The following NICOL1 variants were observed in gnomAD, a reference collection of about 807,000 sequenced individuals.
The protein encoded by NICOL1 is NELL2-interacting cell ontogeny regulator 1.
At chr4:2,039,523 A>G in the NICOL1 span, among the ~76,000 whole-genome samples, 1 of 152,200 alleles carries the variant, frequency 6.6e-6, no homozygotes, top group Non-Finnish European at 1.5e-5. Context: ...ATTGCTTGCT[A>G]GAAATTAAAA....
the NICOL1 span, chr4:2,042,198 C>T: frequency 4.3e-6 from 2 of 466,230 alleles, no homozygotes; most frequent in South Asian, 2.5e-5. Flanking sequence ...CTCCCGGGCC[C>T]GGGGTGGGTG....
At chr4:2,042,116 G>A in the NICOL1 span, 7 of 1,483,916 alleles carry the variant, frequency 4.7e-6, no homozygotes, top group African/African-American at 2.9e-5. Context: ...CTAGATACGG[G>A]GCGCGGACTA....
the NICOL1 span, among the ~76,000 whole-genome samples, chr4:2,036,761 TG>T: frequency 6.6e-6 from 1 of 152,074 alleles, no homozygotes; most frequent in Non-Finnish European, 1.5e-5. Flanking sequence ...TGGGGCTGTT[TG>T]GCTGGTTGAT....
chr4:2,041,748 C>G, the NICOL1 span: 1 of 453,672 alleles, frequency 2.2e-6, no homozygotes, highest in Non-Finnish European at 3.8e-6. Context: ...TTCCCACTTC[C>G]TCAGCTTTTC....
the NICOL1 span, chr4:2,043,778 A>G: frequency 1.7e-6 from 2 of 1,164,896 alleles, no homozygotes; most frequent in South Asian, 1.4e-5. Context: ...CGGTGGAGAT[A>G]GGGCTGCCTT....
the NICOL1 span, among the ~76,000 whole-genome samples, chr4:2,038,424 A>G: frequency 6.6e-6 from 1 of 151,532 alleles, no homozygotes; most frequent in Non-Finnish European, 1.5e-5. Flanking sequence ...ACTAGATGGG[A>G]TTACAGGCAT....
the NICOL1 span, chr4:2,042,286 G>A: frequency 1.2e-6 from 1 of 836,840 alleles, no homozygotes; most frequent in Non-Finnish European, 1.7e-6. Flanking sequence ...ACCGGCCCGG[G>A]GCGGGCGGGG....
At chr4:2,043,199 G>C in the NICOL1 span, among the ~76,000 whole-genome samples, 1 of 152,158 alleles carries the variant, frequency 6.6e-6, no homozygotes, top group Admixed American at 6.5e-5. Flanking sequence ...GAGAAACTGA[G>C]GCCGGAGGAT....
At chr4:2,042,836 C>T in the NICOL1 span, 2 of 1,473,426 alleles carry the variant, frequency 1.4e-6, no homozygotes, top group Non-Finnish European at 1.8e-6. Context: ...TGAGCGCCCG[C>T]GGCGCGACGG....
the NICOL1 span, chr4:2,042,831 GC>G: frequency 6.8e-7 from 1 of 1,478,070 alleles, no homozygotes; most frequent in Non-Finnish European, 8.9e-7. Flanking sequence ...GCGGGTGAGC[GC>G]CCGCGGCGCG....
At chr4:2,043,866 G>T in the NICOL1 span, 18 of 1,549,608 alleles carry the variant, frequency 1.2e-5, no homozygotes, top group Admixed American at 2.0e-5. Flanking sequence ...TGCAGACGGA[G>T]ACCCTACTGC....
chr4:2,041,163 G>T, the NICOL1 span, among the ~76,000 whole-genome samples: 3 of 149,168 alleles, frequency 2.0e-5, no homozygotes, highest in Non-Finnish European at 4.5e-5. Flanking sequence ...GGGGGGAGCG[G>T]GGGCGCCAGC....
chr4:2,043,791 G>T, the NICOL1 span: 3 of 1,368,066 alleles, frequency 2.2e-6, no homozygotes, highest in Non-Finnish European at 3.0e-6. Flanking sequence ...GCTGCCTTGG[G>T]TGGGTGGAGG....
At chr4:2,042,764 C>T in the NICOL1 span, 1 of 1,518,526 alleles carries the variant, frequency 6.6e-7, no homozygotes, top group Non-Finnish European at 8.8e-7. Context: ...GCCACGCCTT[C>T]GAGTTCATGC....
At chr4:2,043,812 T>C in the NICOL1 span, 2 of 1,502,352 alleles carry the variant, frequency 1.3e-6, no homozygotes, top group Non-Finnish European at 1.8e-6. Flanking sequence ...CCCAGGGGAA[T>C]GCCAGTGGGC....
the NICOL1 span, among the ~76,000 whole-genome samples, chr4:2,038,271 AT>A: frequency 2.4e-5 from 2 of 84,280 alleles, no homozygotes; most frequent in Non-Finnish European, 4.7e-5. Flanking sequence ...ATATATATAT[AT>A]ATATATATAT....
the NICOL1 span, chr4:2,041,638 G>A: frequency 4.2e-6 from 1 of 236,344 alleles, no homozygotes; most frequent in Middle Eastern, 1.3e-3. Flanking sequence ...CTCGCCCGCG[G>A]TCGGAGGCCA....
the NICOL1 span, chr4:2,042,709 C>A: frequency 1.4e-6 from 2 of 1,452,684 alleles, no homozygotes; most frequent in Non-Finnish European, 1.8e-6. Context: ...CCTGCGCCCC[C>A]TCCACCCTGA....
At chr4:2,041,164 G>C in the NICOL1 span, among the ~76,000 whole-genome samples, 3 of 147,726 alleles carry the variant, frequency 2.0e-5, no homozygotes, top group Admixed American at 6.7e-5. Flanking sequence ...GGGGGAGCGG[G>C]GGCGCCAGCA....
Sources: allele counts gnomAD v4.1 joint callset (sites outside exome capture counted in the v4.1 genomes callset), GRCh38; gene constraint gnomAD v4.1.1; transcripts MANE v1.5; gene names NCBI Gene and HGNC (gene_info 2026-07-23, HGNC 2026-07-21).